Variants in VAPA observed in about 807,000 individuals in gnomAD.
VAPA encodes vesicle-associated membrane protein-associated protein A.
A neutral mutation model predicts 25.6 loss-of-function variants in VAPA; 6 were observed. The ratio of observed to expected loss-of-function variants is 0.23; its 90% CI spans 0.13 to 0.46. The LOEUF (loss-of-function observed/expected upper bound fraction) is 0.46, where lower values mean the gene tolerates loss of function less well. VAPA is among the 20% of genes least tolerant of loss of function. The pLI, the probability that VAPA is intolerant of heterozygous loss-of-function variation, is 0.99. For missense variants in VAPA, 244 were observed against 302.1 expected (o/e 0.81, Z 1.43); for synonymous variants, 112 against 106.2 (o/e 1.05, Z -0.34).
chr18:9,917,824 A>G (rs2069124919), intron 1 of VAPA, among the ~76,000 whole-genome samples: 1 of 152,052 alleles, frequency 6.6e-6, no homozygotes, highest in Non-Finnish European at 1.5e-5. Context: ...GAAATTAGAG[A>G]ATACTCCTCT....
chr18:9,936,897 T>C, intron 3 of VAPA, 89 bp from the exon 4 acceptor site: 4 of 1,099,478 alleles, frequency 3.6e-6, no homozygotes, highest in Non-Finnish European at 5.4e-6. Flanking sequence ...CCAGGCAGCT[T>C]CACTCATCTT....
In VAPA at chr18:9,938,498, T is replaced by TCCTAGA. The variant is rs1454200602; in HGVS notation, c.417+1434_417+1435insTAGACC. Among the ~76,000 whole-genome samples, 85 of 152,342 alleles carry TCCTAGA rather than the reference T, an allele frequency of 5.6e-4. 1 individual carries two copies. The highest frequency in any genetic ancestry group is 1.9e-3 in the African/African-American group (81 of 41,580). On this transcript the variant is annotated intron_variant, in intron 4 of 5. Transcript: ENST00000400000. Reference sequence around the variant, plus strand: ...TACCTATTGGTCTAGCCCATAGTTATCCAAGAAAGTAGTTTTGGGTCTGTT... The same window carrying TCCTAGA: ...TACCTATTGGTCTAGCCCATAGTTATCCTAGACCAAGAAAGTAGTTTTGGGTCTGTT...
rs1411442344 is a variant in VAPA, at chr18:9,947,273, T to C, written c.418-3122T>C. Among the ~76,000 whole-genome samples, 3 of 152,376 alleles carry C rather than the reference T, an allele frequency of 2.0e-5. No homozygotes were observed. The East Asian group carries it at 5.8e-4, about 29-fold the overall frequency. ...TAGTCATTTATTACCAAGTATTCTG[T>C]ATTGTACATAAATCATATGTGCAAT... is the stretch of plus-strand genomic sequence containing the variant. On this transcript the variant is annotated intron_variant, in intron 4 of 5. Transcript: ENST00000400000.
At chr18:9,930,031 C>T (rs1431309850) in intron 1 of VAPA, among the ~76,000 whole-genome samples, 2 of 152,080 alleles carry the variant, frequency 1.3e-5, no homozygotes, top group East Asian at 3.8e-4. Context: ...ATTCGTACAA[C>T]TCTTGTAGAG....
intron 1 of VAPA, among the ~76,000 whole-genome samples, chr18:9,930,087 A>C (rs925772186): frequency 8.8e-4 from 134 of 152,286 alleles, no homozygotes; most frequent in African/African-American, 3.1e-3. Flanking sequence ...AATCAGTTTA[A>C]AAAATTATTT....
intron 4 of VAPA, among the ~76,000 whole-genome samples, chr18:9,940,041 G>T (rs905302711): frequency 6.6e-6 from 1 of 152,144 alleles, no homozygotes; most frequent in Non-Finnish European, 1.5e-5. Context: ...GTTTAAAAAG[G>T]CAGAACAAAT....
chr18:9,934,573 C>CTTT (rs954163917), intron 2 of VAPA, among the ~76,000 whole-genome samples: 2 of 152,186 alleles, frequency 1.3e-5, no homozygotes, highest in Admixed American at 1.3e-4. Context: ...ATGAATAAGA[C>CTTT]TTTATTACAT....
chr18:9,954,099 G>T lies in VAPA; in HGVS notation c.638G>T (p.Gly213Val), dbSNP rs1174164226. 1.2e-6 allele frequency: 2 copies of T among 1,613,942 alleles called. No individual in the cohort carries two copies. The highest frequency in any genetic ancestry group is 1.3e-5 in the African/African-American group (1 of 74,876). The change falls in exon 6 of 6, where the codon GGA (glycine) becomes GTA (valine). Residue 213 changes from glycine to valine, a missense_variant. Gly to Val is a moderately radical substitution (Grantham distance 109). Transcript: ENST00000400000. ...AAGGTAGCACATTCGGATAAACCTG[G>T]ATCAACCTCAACTGCATCCTTCAGA... ...LRKVAHSDKP[G>V]STSTASFRDN...
At chr18:9,930,293 A>G (rs539427221) in intron 1 of VAPA, among the ~76,000 whole-genome samples, 2 of 152,286 alleles carry the variant, frequency 1.3e-5, no homozygotes, top group East Asian at 1.9e-4. Context: ...TTACTAAGAA[A>G]TTGGATCTTT....
intron 2 of VAPA, among the ~76,000 whole-genome samples, chr18:9,932,334 C>A (rs1360529632): frequency 2.6e-5 from 4 of 152,172 alleles, no homozygotes; most frequent in African/African-American, 9.7e-5. Context: ...ATAGAAGTGT[C>A]ATAATTCTTT....
In VAPA at chr18:9,959,892, G is replaced by C; in HGVS notation, c.*5681G>C. On this transcript the variant is annotated 3_prime_UTR_variant, in exon 6 of 6. Coordinates refer to ENST00000400000, the MANE Select transcript of VAPA (RefSeq NM_194434.3). ...TTTTTGTGCTGTTTTAATTCAAAAT[G>C]TATATCCTTAATTGTATATAATATG... 6.6e-6 allele frequency: 1 copy of C among 152,054 alleles called. No homozygotes were observed. Among genetic ancestry groups the C allele is most frequent in the East Asian group, 1.9e-4 (1 of 5,196 alleles). The allele number at this position is 152,054 out of a possible 1,614,324, so 9.4% of individuals were successfully genotyped here. A position where few individuals can be genotyped will look rare whatever the true frequency, so the allele number is the denominator to read the frequency against.
At chr18:9,938,047 C>T (rs990384663) in intron 4 of VAPA, among the ~76,000 whole-genome samples, 2 of 152,064 alleles carry the variant, frequency 1.3e-5, no homozygotes, top group African/African-American at 4.8e-5. Context: ...CATGTATTCT[C>T]TGTGGAAAGT....
chr18:9,944,191 T>A (rs1049678793), intron 4 of VAPA, among the ~76,000 whole-genome samples: 25 of 152,260 alleles, frequency 1.6e-4, no homozygotes, highest in African/African-American at 2.6e-4. Flanking sequence ...TGATTTTTTT[T>A]AAATGAAGAC....
In VAPA at chr18:9,958,048, C is replaced by A. The variant is rs1425221366; in HGVS notation, c.*3837C>A. 6.6e-6 allele frequency: 1 copy of A among 152,230 alleles called. No individual in the cohort carries two copies. Among genetic ancestry groups the A allele is most frequent in the Non-Finnish European group, 1.5e-5 (1 of 68,042 alleles). 9.4% of individuals were successfully genotyped at this position (152,230 alleles called of 1,614,324 possible). On this transcript the variant is annotated 3_prime_UTR_variant, in exon 6 of 6. Transcript: ENST00000400000. ...TTGCCCTTCTGACACAGTGTGTGCA[C>A]TTCAGGCAATTTTTGGAAAATATAA... is the stretch of plus-strand genomic sequence containing the variant.
chr18:9,916,161 G>A (rs994118550), intron 1 of VAPA, among the ~76,000 whole-genome samples: 8 of 152,148 alleles, frequency 5.3e-5, no homozygotes, highest in African/African-American at 1.9e-4. Context: ...TTGTTATGTT[G>A]CTATAGTAAG....
intron 4 of VAPA, among the ~76,000 whole-genome samples, chr18:9,941,128 T>C (rs1371379601): frequency 6.6e-6 from 1 of 152,190 alleles, no homozygotes; most frequent in Admixed American, 6.5e-5. Context: ...GTATTTTTTT[T>C]TTAATTTAAA....
At chr18:9,918,385 T>A (rs938232624) in intron 1 of VAPA, among the ~76,000 whole-genome samples, 1 of 152,230 alleles carries the variant, frequency 6.6e-6, no homozygotes, top group South Asian at 2.1e-4. Flanking sequence ...TTCACTGTTT[T>A]TCCAGTTACT....
chr18:9,929,042 T>C (rs1433923919), intron 1 of VAPA, among the ~76,000 whole-genome samples: 1 of 152,184 alleles, frequency 6.6e-6, no homozygotes, highest in East Asian at 1.9e-4. Flanking sequence ...AATTCAGATG[T>C]GTTGTATTGG....
At chr18:9,917,929 G>A (rs1224010919) in intron 1 of VAPA, among the ~76,000 whole-genome samples, 1 of 152,070 alleles carries the variant, frequency 6.6e-6, no homozygotes, top group East Asian at 1.9e-4. Flanking sequence ...AGACATGAAT[G>A]TAATCTTTAA....
Sources: allele counts gnomAD v4.1 joint callset (sites outside exome capture counted in the v4.1 genomes callset), GRCh38; gene constraint gnomAD v4.1.1; transcripts MANE v1.5; gene names NCBI Gene and HGNC (gene_info 2026-07-23, HGNC 2026-07-21).